Variants in SCHIP1 observed in about 807,000 individuals in gnomAD.
SCHIP1 encodes the protein schwannomin-interacting protein 1.
In SCHIP1, 8 loss-of-function variants were observed where a neutral mutation model predicts 29.7. The observed-to-expected ratio is 0.27, with a 90% CI of 0.16 to 0.49. The LOEUF is 0.49. Ranked by LOEUF, SCHIP1 falls within the 20% of genes least tolerant of loss-of-function variation. The pLI is 0.99. For synonymous variants in SCHIP1, 76 were observed against 94.9 expected (o/e 0.80, Z 1.16); for missense variants, 193 against 294.6 (o/e 0.66, Z 2.52).
the SCHIP1 span, among the ~76,000 whole-genome samples, chr3:159,702,464 A>G: frequency 6.6e-6 from 1 of 152,240 alleles, no homozygotes; most frequent in Non-Finnish European, 1.5e-5. Context: ...AATTTACTCA[A>G]TGCCTGTTCC....
the SCHIP1 span, among the ~76,000 whole-genome samples, chr3:159,679,470 G>A: frequency 1.3e-5 from 2 of 152,148 alleles, no homozygotes; most frequent in African/African-American, 4.8e-5. Flanking sequence ...TCATACACAG[G>A]CAACATCTAG....
At chr3:159,515,460 A>C in the SCHIP1 span, among the ~76,000 whole-genome samples, 3,852 of 152,300 alleles carry the variant, frequency 0.025, 170 homozygotes, top group African/African-American at 0.089. Flanking sequence ...TAGCTCAGTC[A>C]CTTCATAGTT....
At chr3:159,528,414 C>G in the SCHIP1 span, among the ~76,000 whole-genome samples, 3 of 152,136 alleles carry the variant, frequency 2.0e-5, no homozygotes, top group South Asian at 6.2e-4. Flanking sequence ...GATCCCTTCC[C>G]TTCGTGAAGG....
chr3:159,433,489 T>C, the SCHIP1 span, among the ~76,000 whole-genome samples: 2 of 152,202 alleles, frequency 1.3e-5, no homozygotes, highest in Admixed American at 6.5e-5. Context: ...AGGGCAATGA[T>C]GAAGACATCT....
the SCHIP1 span, among the ~76,000 whole-genome samples, chr3:159,712,838 AAGAAAGAAAG>A: frequency 2.0e-5 from 3 of 150,296 alleles, no homozygotes; most frequent in Admixed American, 2.0e-4. Flanking sequence ...GAAAGAAAGA[AAGAAAGAAAG>A]AGAGAGAGAA....
the SCHIP1 span, chr3:159,273,925 T>C: frequency 4.4e-6 from 7 of 1,607,206 alleles, no homozygotes; most frequent in Admixed American, 1.0e-4. Flanking sequence ...AGGTGTATCA[T>C]ATTTTTACAA....
At chr3:159,727,085 G>C in the SCHIP1 span, among the ~76,000 whole-genome samples, 2 of 152,140 alleles carry the variant, frequency 1.3e-5, no homozygotes, top group Non-Finnish European at 2.9e-5. Context: ...CCATGAAAAA[G>C]AAACTTTGGT....
intron 1 of SCHIP1, among the ~76,000 whole-genome samples, chr3:159,859,525 A>G (rs1392004439): frequency 6.6e-6 from 1 of 152,232 alleles, no homozygotes; most frequent in Non-Finnish European, 1.5e-5. Context: ...TCAGAATCCC[A>G]GTTACGTTCC....
chr3:159,711,283 C>CA, the SCHIP1 span, among the ~76,000 whole-genome samples: 1 of 74,844 alleles, frequency 1.3e-5, no homozygotes, highest in Non-Finnish European at 2.1e-5. Flanking sequence ...ATGGCGTGAA[C>CA]CCGGGAGGCG....
the SCHIP1 span, among the ~76,000 whole-genome samples, chr3:159,713,288 A>G: frequency 3.7e-5 from 5 of 135,366 alleles, no homozygotes; most frequent in South Asian, 2.4e-4. Context: ...AAGAAAGAAA[A>G]AAGAAAAGAA....
At chr3:159,711,320 C>T in the SCHIP1 span, among the ~76,000 whole-genome samples, 2 of 69,210 alleles carry the variant, frequency 2.9e-5, 1 homozygote, top group African/African-American at 3.8e-4. Context: ...GAGATCCCGC[C>T]ACTGCACTCC....
At chr3:159,717,247 T>C in the SCHIP1 span, among the ~76,000 whole-genome samples, 30 of 152,160 alleles carry the variant, frequency 2.0e-4, no homozygotes, top group South Asian at 6.0e-3. Context: ...TAGAGGGAAA[T>C]TTATAGCACT....
At chr3:159,750,282 TATATATATATATATACACACAC>T in the SCHIP1 span, among the ~76,000 whole-genome samples, 1 of 30,714 alleles carries the variant, frequency 3.3e-5, no homozygotes, top group East Asian at 7.4e-4. Flanking sequence ...TATATATATA[TATATATATATATATACACACAC>T]ACACACACAC....
chr3:159,474,307 C>A, the SCHIP1 span, among the ~76,000 whole-genome samples: 1 of 152,212 alleles, frequency 6.6e-6, no homozygotes, highest in Admixed American at 6.5e-5. Flanking sequence ...AAGCAAACTT[C>A]AAGATTTCTG....
chr3:159,339,122 G>A, the SCHIP1 span, among the ~76,000 whole-genome samples: 1 of 151,988 alleles, frequency 6.6e-6, no homozygotes, highest in East Asian at 1.9e-4. Flanking sequence ...CCATCTCCAG[G>A]TTTTCATCTG....
At chr3:159,826,876 G>A in the SCHIP1 span, among the ~76,000 whole-genome samples, 1 of 152,188 alleles carries the variant, frequency 6.6e-6, no homozygotes, top group Non-Finnish European at 1.5e-5. Flanking sequence ...TAGAAGAGTT[G>A]GGATTAATGT....
the SCHIP1 span, among the ~76,000 whole-genome samples, chr3:159,689,042 G>T: frequency 2.0e-5 from 3 of 152,300 alleles, no homozygotes; most frequent in East Asian, 3.9e-4. Flanking sequence ...CATGCCTCCA[G>T]CTTTGTTCTT....
the SCHIP1 span, among the ~76,000 whole-genome samples, chr3:159,345,045 T>C: frequency 6.6e-6 from 1 of 152,130 alleles, no homozygotes; most frequent in East Asian, 1.9e-4. Context: ...CTGGCCAAGA[T>C]GGTGAAACCC....
At chr3:159,488,470 C>T in the SCHIP1 span, among the ~76,000 whole-genome samples, 1 of 151,590 alleles carries the variant, frequency 6.6e-6, no homozygotes, top group Admixed American at 6.6e-5. Flanking sequence ...TATTATATAC[C>T]CACAAAAATA....
Sources: allele counts gnomAD v4.1 joint callset (sites outside exome capture counted in the v4.1 genomes callset), GRCh38; gene constraint gnomAD v4.1.1; transcripts MANE v1.5; gene names NCBI Gene and HGNC (gene_info 2026-07-23, HGNC 2026-07-21).